C2CD2: variants seen among roughly 807,000 people sequenced by gnomAD.
C2CD2 encodes C2 calcium dependent domain containing 2, also known as C2 domain-containing protein 2.
Under a neutral mutation model 74.3 loss-of-function variants are expected in C2CD2, and 43 were observed. The observed-to-expected ratio is 0.58, with a 90% CI of 0.45 to 0.75. The LOEUF is 0.75. Among genes scored for constraint, C2CD2 ranks in the 30% least tolerant of loss-of-function variants. C2CD2 has a pLI of 0.00. For synonymous variants in C2CD2, 422 were observed against 390.7 expected (o/e 1.08, Z -0.94); for missense variants, 801 against 916.3 (o/e 0.87, Z 1.63).
intron 10 of C2CD2, among the ~76,000 whole-genome samples, 160 bp from the exon 11 acceptor site, chr21:41,905,997 G>A (rs1331695167): frequency 6.6e-6 from 1 of 152,166 alleles, no homozygotes; most frequent in Non-Finnish European, 1.5e-5. Context: ...GGGCAAGAGT[G>A]GTGTCTGGAG....
intron 6 of C2CD2, 89 bp from the exon 7 acceptor site, chr21:41,912,529 C>T (rs1196310559): frequency 3.4e-5 from 18 of 534,366 alleles, no homozygotes; most frequent in African/African-American, 6.0e-5. Context: ...CTCGCTCTGT[C>T]GCCCAGGCTG....
At chr21:41,907,395 G>A (rs1251434817) in intron 9 of C2CD2, among the ~76,000 whole-genome samples, 1 of 152,208 alleles carries the variant, frequency 6.6e-6, no homozygotes, top group African/African-American at 2.4e-5. Flanking sequence ...GGGGAACCAA[G>A]CAAAACTTTC....
chr21:41,948,972 G>T (rs2065428060), intron 1 of C2CD2, among the ~76,000 whole-genome samples: 1 of 140,536 alleles, frequency 7.1e-6, no homozygotes, highest in African/African-American at 2.6e-5. Flanking sequence ...ACCCTGGGCT[G>T]AAGGACTAAA....
Position 41,907,972 on chromosome 21 carries a change from C to T in C2CD2, c.1019-188G>A, listed in dbSNP as rs544633125. 5.3e-5 allele frequency: 34 copies of T among 640,838 alleles called. No individual in the cohort carries two copies. In the African/African-American group the frequency reaches 5.7e-4, roughly 11 times the overall value. 39.7% of individuals were successfully genotyped at this position (640,838 alleles called of 1,614,324 possible). A position where few individuals can be genotyped will look rare whatever the true frequency, so the allele number is the denominator to read the frequency against. On this transcript the variant is annotated intron_variant, in intron 8 of 13. Coordinates refer to ENST00000380486, the MANE Select transcript of C2CD2 (RefSeq NM_015500.2). ...AAAAGACAAAGAAAGGCTGTGGAAA[C>T]GCTGCAGGACAGAGGATGCTAAAGC... is the stretch of plus-strand genomic sequence containing the variant.
chr21:41,901,269 G>A, intron 12 of C2CD2: 3 of 346,142 alleles, frequency 8.7e-6, no homozygotes, highest in Non-Finnish European at 1.6e-5. Flanking sequence ...CACGTGGAAA[G>A]TGAAAGTTCC....
intron 2 of C2CD2, among the ~76,000 whole-genome samples, chr21:41,935,355 G>A (rs146548202): frequency 1.3e-5 from 2 of 152,208 alleles, no homozygotes; most frequent in Non-Finnish European, 2.9e-5. Context: ...ACCAGTTCAT[G>A]CAACTACTGT....
chr21:41,907,816 G>A (rs79187053), intron 8 of C2CD2, 32 bp from the exon 9 acceptor site: 77,594 of 1,612,780 alleles, frequency 0.048, 2,632 homozygotes, highest in South Asian at 0.13. Context: ...AAGGGGTGCC[G>A]CTGATGTTTC....
At chr21:41,896,543 G>A (rs1419461206) in intron 13 of C2CD2, among the ~76,000 whole-genome samples, 2 of 151,944 alleles carry the variant, frequency 1.3e-5, no homozygotes, top group African/African-American at 4.8e-5. Context: ...CAACTTCACT[G>A]ATCTTTTTTT....
Position 41,914,713 on chromosome 21 carries a change from C to G in C2CD2, c.729G>C (p.Gln243His). The G allele has an allele frequency of 1.2e-6, 2 of 1,611,842 alleles. No individual in the cohort carries two copies. The change falls in exon 6 of 14, where the codon CAG becomes CAC. Residue 243 changes from glutamine (Q) to histidine (H), a missense_variant. Transcript: ENST00000380486. ...ATTCCTGAGCAGTAGATGCAGCACA[C>G]TGTAAGTTCTGAAAAAATAAAGAGC... ...PTTVKEAQNLQCAASTAQESC... is the reference protein window; with the variant it reads ...PTTVKEAQNLHCAASTAQESC...
chr21:41,915,776 GTTTGT>G (rs1377502261), intron 5 of C2CD2, among the ~76,000 whole-genome samples: 25 of 151,268 alleles, frequency 1.7e-4, no homozygotes, highest in African/African-American at 5.2e-4. Context: ...TTGTTCGTTT[GTTTGT>G]TTTAAGTTCT....
intron 1 of C2CD2, among the ~76,000 whole-genome samples, chr21:41,949,222 C>T (rs146665791): frequency 2.0e-5 from 3 of 152,270 alleles, no homozygotes; most frequent in African/African-American, 4.8e-5. Flanking sequence ...ACAGCAGTCC[C>T]GGAGACTCCC....
intron 5 of C2CD2, among the ~76,000 whole-genome samples, chr21:41,916,074 A>T (rs900834209): frequency 5.3e-5 from 8 of 152,176 alleles, no homozygotes; most frequent in South Asian, 4.1e-4. Flanking sequence ...TGAGCCAGGC[A>T]CTTCCCAAAC....
At chr21:41,947,507 A>C (rs1245305527) in intron 1 of C2CD2, among the ~76,000 whole-genome samples, 1 of 152,188 alleles carries the variant, frequency 6.6e-6, no homozygotes, top group Non-Finnish European at 1.5e-5. Flanking sequence ...TATGAATCAT[A>C]GTAACATGCC....
chr21:41,914,319 A>G (rs114033487), intron 6 of C2CD2, among the ~76,000 whole-genome samples: 1 of 151,842 alleles, frequency 6.6e-6, no homozygotes, highest in Non-Finnish European at 1.5e-5. Context: ...AAAGGAAAGA[A>G]AAGATAAAAA....
At chr21:41,898,963 A>G in intron 13 of C2CD2, 90 bp downstream of exon 13, 1 of 965,454 alleles carries the variant, frequency 1.0e-6, no homozygotes, top group Non-Finnish European at 1.6e-6. Flanking sequence ...GGACAAAGGG[A>G]AGGAAGGCAG....
rs1234713530 is a variant in C2CD2, at chr21:41,887,792, G to GT, written c.*1331dup. ...TCTCCATGACAGAAGCCAAGCTTTCGTAACAGCCTTTTACATGTCTTTGGA... is the reference window on the plus strand; with the variant it reads ...TCTCCATGACAGAAGCCAAGCTTTCGTTAACAGCCTTTTACATGTCTTTGGA... On this transcript the variant is annotated 3_prime_UTR_variant, in exon 14 of 14. Coordinates refer to ENST00000380486, the MANE Select transcript of C2CD2 (RefSeq NM_015500.2). 6.6e-6 allele frequency: 1 copy of GT among 152,162 alleles called. No homozygotes were observed. The highest frequency in any genetic ancestry group is 2.4e-5 in the African/African-American group (1 of 41,436). The allele number at this position is 152,162 out of a possible 1,614,324, so 9.4% of individuals were successfully genotyped here. A position where few individuals can be genotyped will look rare whatever the true frequency, so the allele number is the denominator to read the frequency against.
rs1378922340 is a variant in C2CD2, at chr21:41,886,928, G to C, written c.*2196C>G. 1 of 152,086 alleles carries C rather than the reference G, an allele frequency of 6.6e-6. No homozygotes were observed. The highest frequency in any genetic ancestry group is 2.4e-5 in the African/African-American group (1 of 41,416). The allele number at this position is 152,086 out of a possible 1,614,324, so 9.4% of individuals were successfully genotyped here. A position where few individuals can be genotyped will look rare whatever the true frequency, so the allele number is the denominator to read the frequency against. The stretch of plus-strand genomic sequence containing the variant: ...CAGGAGGTGGAGGTTGCAGTAAGCT[G>C]CCATTGCACTCCAGCCTGGGCAACA... On this transcript the variant is annotated 3_prime_UTR_variant, in exon 14 of 14. Transcript: ENST00000380486.
At position 41,914,683 on chromosome 21, in the gene C2CD2, A is replaced by G; in HGVS notation, c.759T>C (p.Cys253=). 6.2e-7 allele frequency: 1 copy of G among 1,613,584 alleles called. No individual in the cohort carries two copies. The highest frequency in any genetic ancestry group is 1.1e-5 in the South Asian group (1 of 91,052). ...CGTGAGCCCTTGGAGGTTTAGGAGG[A>G]CAGGATTCCTGAGCAGTAGATGCAG... The part of the protein sequence containing the change: ...QCAASTAQES[C]PPKPPRAHEL... The change falls in exon 6 of 14, where the codon TGT becomes TGC. Residue 253 remains cysteine (C), a synonymous_variant. Coordinates refer to ENST00000380486, the MANE Select transcript of C2CD2 (RefSeq NM_015500.2).
chr21:41,928,707 G>A (rs563533950), intron 2 of C2CD2, among the ~76,000 whole-genome samples: 2 of 151,928 alleles, frequency 1.3e-5, no homozygotes, highest in African/African-American at 2.4e-5. Context: ...CCCCAATCCC[G>A]CAGCTCTCAG....
Sources: gnomAD v4.1 joint callset for allele counts (sites outside exome capture counted in the v4.1 genomes callset) on GRCh38, gnomAD v4.1.1 for gene constraint, MANE v1.5 for transcripts, NCBI Gene and HGNC (gene_info 2026-07-23, HGNC 2026-07-21) for gene names.